VSX2: variants seen among roughly 807,000 people sequenced by gnomAD.
VSX2 encodes the protein ceh-10 homeo domain containing homolog.
In VSX2, 28 loss-of-function variants were observed where a neutral mutation model predicts 32.1. That is an observed-to-expected ratio of 0.87 (90% CI 0.65 to 1.20). VSX2 has a LOEUF of 1.20. VSX2 is among the 50% of genes most tolerant of loss of function. The probability of loss-of-function intolerance (pLI) is 0.00; values close to 1 mark genes in which losing one functional copy is unlikely to be tolerated. For missense variants in VSX2, 506 were observed against 488.7 expected (o/e 1.04, Z -0.33); for synonymous variants, 243 against 214.1 (o/e 1.14, Z -1.18).
intron 3 of VSX2, among the ~76,000 whole-genome samples, chr14:74,254,784 A>ATTTTGTTTTTTTTTTTTTTT: frequency 8.6e-6 from 1 of 116,612 alleles, no homozygotes; most frequent in Non-Finnish European, 1.8e-5. Flanking sequence ...CGAAAAGTGG[A>ATTTTGTTTTTTTTTTTTTTT]TTTTTTTTTT....
chr14:74,254,107 T>C (rs2079246761), intron 3 of VSX2, among the ~76,000 whole-genome samples: 1 of 151,810 alleles, frequency 6.6e-6, no homozygotes, highest in African/African-American at 2.4e-5. Context: ...GGGCTTGGGA[T>C]GTATTAGAAA....
intron 3 of VSX2, among the ~76,000 whole-genome samples, chr14:74,251,261 C>G (rs566731051): frequency 1.4e-4 from 21 of 151,988 alleles, no homozygotes; most frequent in Non-Finnish European, 3.1e-4. Context: ...ACCAGCCTGG[C>G]GAATATGGTG....
intron 4 of VSX2, 28 bp downstream of exon 4, chr14:74,259,810 C>CT: frequency 2.1e-6 from 3 of 1,450,378 alleles, no homozygotes; most frequent in African/African-American, 3.0e-5. Flanking sequence ...CCTTGGGGTC[C>CT]TGCCCTGCGG....
rs1196621848 is a variant in VSX2, at chr14:74,239,760, G to A, written c.199G>A (p.Val67Met). Residue 67 changes from valine (V) to methionine (M), a missense_variant, in exon 1 of 5, where the codon GTG (valine) becomes ATG (methionine). Transcript: ENST00000261980. ...APGHLLAARS[V>M]LSPAGVGGMG... ...CGGGCACTTGCTGGCGGCGCGCTCA[G>A]TGCTCAGCCCCGCGGGGGTGGGCGG... The A allele has an allele frequency of 1.0e-5, 16 of 1,553,162 alleles. No homozygotes were observed. The highest frequency in any genetic ancestry group is 1.7e-6 in the Non-Finnish European group (2 of 1,149,218).
In VSX2 at chr14:74,241,273, C is replaced by T. The variant is rs1455396762; in HGVS notation, c.455+7C>T. The T allele has an allele frequency of 3.7e-6, 6 of 1,611,942 alleles. No individual in the cohort carries two copies. Among genetic ancestry groups the T allele is most frequent in the Non-Finnish European group, 5.1e-6 (6 of 1,179,756 alleles). ...GGAAGAAGCGGCGACACAGGTGAGG[C>T]CCCCGCTTTCTGTTACCTCTCCTGC... On this transcript the variant is annotated splice_region_variant and intron_variant, in intron 2 of 4. Transcript: ENST00000261980.
Position 74,239,517 on chromosome 14 carries a change from G to A in VSX2, c.-45G>A. The A allele has an allele frequency of 6.5e-7, 1 of 1,549,290 alleles. No homozygotes were observed. The highest frequency in any genetic ancestry group is 8.7e-7 in the Non-Finnish European group (1 of 1,146,664). On this transcript the variant is annotated 5_prime_UTR_variant, in exon 1 of 5. Coordinates refer to ENST00000261980, the MANE Select transcript of VSX2 (RefSeq NM_182894.3). ...GCGGGAAGCCCGGCGGGGGGGTGGG[G>A]GGAGCTAAAGACCTGCGGCCTCAGC...
At chr14:74,254,981 C>A (rs1038724915) in intron 3 of VSX2, among the ~76,000 whole-genome samples, 1 of 151,790 alleles carries the variant, frequency 6.6e-6, no homozygotes, top group Non-Finnish European at 1.5e-5. Context: ...GGGGTTTCAC[C>A]GTGTTAGCCA....
chr14:74,248,356 A>AAAAC (rs1392965894), intron 3 of VSX2, among the ~76,000 whole-genome samples: 1 of 127,686 alleles, frequency 7.8e-6, no homozygotes, highest in African/African-American at 2.6e-5. Context: ...AAAAAACAAA[A>AAAAC]AAAACCAAAA....
chr14:74,260,785 A>T lies in VSX2; in HGVS notation c.952A>T (p.Thr318Ser), dbSNP rs1351675868. 1.3e-6 allele frequency: 2 copies of T among 1,578,362 alleles called. No homozygotes were observed. The highest frequency in any genetic ancestry group is 1.7e-6 in the Non-Finnish European group (2 of 1,162,330). ...VLRAKAQEHS[T>S]KVLGTVSGPD... is the part of the protein sequence containing the mutation. ...CCGGGCCAAAGCTCAGGAGCACAGCACCAAAGTGCTGGGGACTGTGTCTGG... is the reference window on the plus strand; with the variant it reads ...CCGGGCCAAAGCTCAGGAGCACAGCTCCAAAGTGCTGGGGACTGTGTCTGG... The change falls in exon 5 of 5, where the codon ACC (threonine) becomes TCC (serine). Residue 318 changes from threonine (T) to serine (S), a missense_variant. Coordinates refer to ENST00000261980, the MANE Select transcript of VSX2 (RefSeq NM_182894.3).
intron 3 of VSX2, among the ~76,000 whole-genome samples, chr14:74,254,580 T>A (rs2079250330): frequency 6.6e-6 from 1 of 152,156 alleles, no homozygotes; most frequent in Admixed American, 6.5e-5. Context: ...GTTATTATTA[T>A]TTGTAAGTCC....
chr14:74,245,193 G>T lies in VSX2; in HGVS notation c.484G>T (p.Glu162Ter). The T allele has an allele frequency of 6.2e-7, 1 of 1,613,366 alleles. No individual in the cohort carries two copies. The highest frequency in any genetic ancestry group is 8.5e-7 in the Non-Finnish European group (1 of 1,179,624). ...RTIFTSYQLE[E>*]LEKAFNEAHY... ...AATCTTTACCTCCTACCAGCTAGAGGAGCTGGAGAAGGCATTCAACGAAGC... is the reference window on the plus strand; with the variant it reads ...AATCTTTACCTCCTACCAGCTAGAGTAGCTGGAGAAGGCATTCAACGAAGC... Residue 162 changes from glutamate to a stop codon, truncating the protein, a stop_gained, in exon 3 of 5, where the codon GAG becomes TAG. Coordinates refer to ENST00000261980, the MANE Select transcript of VSX2 (RefSeq NM_182894.3). LOFTEE classifies it high-confidence loss of function.
chr14:74,240,465 C>A (rs1322292659), intron 1 of VSX2, among the ~76,000 whole-genome samples: 1 of 152,118 alleles, frequency 6.6e-6, no homozygotes, highest in Non-Finnish European at 1.5e-5. Flanking sequence ...CTAAAGCGGC[C>A]GCCATCCTCT....
chr14:74,244,755 C>T (rs1175815801), intron 2 of VSX2, among the ~76,000 whole-genome samples: 1 of 151,768 alleles, frequency 6.6e-6, no homozygotes, highest in Non-Finnish European at 1.5e-5. Context: ...GAAAGATTCC[C>T]AGTGTGAAAT....
chr14:74,261,195 C>A lies in VSX2; in HGVS notation c.*276C>A, dbSNP rs2079305659. The A allele has an allele frequency of 7.9e-6, 4 of 504,694 alleles. No homozygotes were observed. The East Asian group carries it at 1.3e-4, about 16-fold the overall frequency. 31.3% of individuals were successfully genotyped at this position (504,694 alleles called of 1,614,324 possible). ...GTCCCCTCAAGCCCCTTCTCTCAAT[C>A]CCTTTGCAACGCTCACTGGTTTTGG... is the stretch of plus-strand genomic sequence containing the variant. On this transcript the variant is annotated 3_prime_UTR_variant, in exon 5 of 5. Coordinates refer to ENST00000261980, the MANE Select transcript of VSX2 (RefSeq NM_182894.3).
At chr14:74,259,471 A>C in intron 3 of VSX2, 131 bp from the exon 4 acceptor site, 1 of 958,236 alleles carries the variant, frequency 1.0e-6, no homozygotes, top group Non-Finnish European at 1.6e-6. Context: ...CACAGAGGGC[A>C]CCATGGAGTA....
intron 3 of VSX2, among the ~76,000 whole-genome samples, chr14:74,248,815 G>A (rs2079211826): frequency 6.6e-6 from 1 of 152,194 alleles, no homozygotes; most frequent in Middle Eastern, 3.2e-3. Flanking sequence ...CAGAGGCTAG[G>A]CCACTTCCCA....
intron 4 of VSX2, among the ~76,000 whole-genome samples, chr14:74,260,322 G>A (rs1258254339): frequency 6.6e-6 from 1 of 152,214 alleles, no homozygotes; most frequent in Non-Finnish European, 1.5e-5. Flanking sequence ...GGAGGGACAG[G>A]GGAGCATGTG....
chr14:74,244,811 G>T (rs1335640942), intron 2 of VSX2, among the ~76,000 whole-genome samples: 1 of 151,756 alleles, frequency 6.6e-6, no homozygotes, highest in African/African-American at 2.4e-5. Flanking sequence ...CACAGGAAGG[G>T]TAGTGTGAGC....
At position 74,244,977 on chromosome 14, in the gene VSX2, TGTGTGAGAGA is replaced by T. The variant is rs1480683353; in HGVS notation, c.456-186_456-177del. On this transcript the variant is annotated intron_variant, in intron 2 of 4. Transcript: ENST00000261980. ...GTGTGTGTGTGTGTGTGTGTGTGTG[TGTGTGAGAGA>T]GAGAGAGAGAGAGAGAGAGACAGAG... Among the ~76,000 whole-genome samples, 209 of 43,648 alleles carry T rather than the reference TGTGTGAGAGA, an allele frequency of 4.8e-3. 4 individuals are homozygous for T. Among genetic ancestry groups the T allele is most frequent in the Middle Eastern group, 0.014 (1 of 72 alleles). The allele number at this position is 43,648 out of a possible 152,430, so 28.6% of individuals were successfully genotyped here. A position where few individuals can be genotyped will look rare whatever the true frequency, so the allele number is the denominator to read the frequency against.
Sources: gnomAD v4.1 joint callset for allele counts (sites outside exome capture counted in the v4.1 genomes callset) on GRCh38, gnomAD v4.1.1 for gene constraint, MANE v1.5 for transcripts, NCBI Gene and HGNC (gene_info 2026-07-23, HGNC 2026-07-21) for gene names.